ERP44: variants seen among roughly 807,000 people sequenced by gnomAD.
ERP44 encodes endoplasmic reticulum resident protein 44.
ERP44 carries 25 observed loss-of-function variants against 53.4 expected under a neutral mutation model. The ratio of observed to expected loss-of-function variants is 0.47; its 90% CI spans 0.34 to 0.65. The LOEUF (loss-of-function observed/expected upper bound fraction) is 0.65, where lower values mean the gene tolerates loss of function less well. ERP44 is among the 30% of genes least tolerant of loss of function. ERP44 has a pLI of 0.01. For missense variants in ERP44, 338 were observed against 493.2 expected (o/e 0.69, Z 2.98); for synonymous variants, 145 against 161.2 (o/e 0.90, Z 0.76).
At chr9:100,018,341 C>T (rs202058439) in intron 6 of ERP44, 28 bp from the exon 7 acceptor site, 691 of 1,417,112 alleles carry the variant, frequency 4.9e-4, no homozygotes, top group Non-Finnish European at 6.4e-4. Context: ...TAGTAATAAA[C>T]CTGAATGACA....
At chr9:99,986,433 A>T (rs1830196331) in intron 10 of ERP44, among the ~76,000 whole-genome samples, 1 of 152,180 alleles carries the variant, frequency 6.6e-6, no homozygotes. Flanking sequence ...AAAATTAATT[A>T]TATATTTTAA....
intron 1 of ERP44, among the ~76,000 whole-genome samples, chr9:100,089,843 G>A (rs1826530617): frequency 1.3e-5 from 2 of 152,080 alleles, no homozygotes; most frequent in African/African-American, 4.8e-5. Flanking sequence ...AAAAAACATA[G>A]TATATATAGG....
Position 100,013,394 on chromosome 9 carries a change from T to A in ERP44, c.762+2928A>T, listed in dbSNP as rs532996822. On this transcript the variant is annotated intron_variant, in intron 8 of 11. Transcript: ENST00000262455. ...ACCAGAGTAATAATAATAATAATAA[T>A]AAAACACTTTTTGAAAGCATCTAAG... Among the ~76,000 whole-genome samples, 426 of 137,862 alleles carry A rather than the reference T, an allele frequency of 3.1e-3. 1 individual carries two copies. The highest frequency in any genetic ancestry group is 5.3e-3 in the Non-Finnish European group (321 of 60,926). 90.4% of individuals were successfully genotyped at this position (137,862 alleles called of 152,430 possible). A position where few individuals can be genotyped will look rare whatever the true frequency, so the allele number is the denominator to read the frequency against.
At chr9:100,031,310 G>C (rs1825785409) in intron 4 of ERP44, among the ~76,000 whole-genome samples, 1 of 152,130 alleles carries the variant, frequency 6.6e-6, no homozygotes, top group Admixed American at 6.5e-5. Context: ...GGAGTTTTGG[G>C]GTCCATGTCA....
At chr9:100,065,852 T>C (rs541316347) in intron 1 of ERP44, among the ~76,000 whole-genome samples, 26 of 152,372 alleles carry the variant, frequency 1.7e-4, no homozygotes, top group African/African-American at 6.0e-4. Context: ...TTCTAATTCA[T>C]AGACGCATTA....
chr9:100,090,852 T>C (rs1363414950), intron 1 of ERP44, among the ~76,000 whole-genome samples: 1 of 152,256 alleles, frequency 6.6e-6, no homozygotes, highest in Non-Finnish European at 1.5e-5. Flanking sequence ...TTTTATTTTG[T>C]AGATGCATTC....
At chr9:100,020,806 C>T in intron 5 of ERP44, 75 bp from the exon 6 acceptor site, 1 of 744,464 alleles carries the variant, frequency 1.3e-6, no homozygotes, top group Non-Finnish European at 2.3e-6. Flanking sequence ...TACCCGTTAT[C>T]TTAGTACCTA....
At chr9:100,037,230 T>C (rs1419836757) in intron 4 of ERP44, among the ~76,000 whole-genome samples, 1 of 152,172 alleles carries the variant, frequency 6.6e-6, no homozygotes, top group Non-Finnish European at 1.5e-5. Context: ...TTCCCTGTTA[T>C]AGCAGAAAGC....
At chr9:100,097,981 CGTGTTTAGTCCTTCGCTTTT>C (rs1208860081) in intron 1 of ERP44, among the ~76,000 whole-genome samples, 1 of 152,178 alleles carries the variant, frequency 6.6e-6, no homozygotes, top group Non-Finnish European at 1.5e-5. Context: ...TTTTGCCATA[CGTGTTTAGTCCTTCGCTTTT>C]GTCTCAATTT....
At chr9:100,098,583 C>T (rs527659793) in intron 1 of ERP44, among the ~76,000 whole-genome samples, 1 of 152,340 alleles carries the variant, frequency 6.6e-6, no homozygotes, top group African/African-American at 2.4e-5. Flanking sequence ...CTCCCATTCT[C>T]CCCCGACACT....
intron 4 of ERP44, among the ~76,000 whole-genome samples, chr9:100,027,508 A>G (rs948281390): frequency 1.3e-5 from 2 of 152,212 alleles, no homozygotes; most frequent in African/African-American, 4.8e-5. Flanking sequence ...CACTTTGACA[A>G]TATAACAAAA....
At chr9:99,983,551 C>CAAAAAAAA (rs59132233) in intron 11 of ERP44, among the ~76,000 whole-genome samples, 20 of 66,968 alleles carry the variant, frequency 3.0e-4, no homozygotes, top group African/African-American at 1.1e-3. Flanking sequence ...GACTCCGTCT[C>CAAAAAAAA]AAAAAAAAAA....
At chr9:100,095,774 C>G (rs1428646927) in intron 1 of ERP44, among the ~76,000 whole-genome samples, 1 of 152,026 alleles carries the variant, frequency 6.6e-6, no homozygotes, top group Non-Finnish European at 1.5e-5. Context: ...AAAACCTCAC[C>G]TAGGTATTAA....
At chr9:100,038,379 T>C (rs1356746621) in intron 4 of ERP44, among the ~76,000 whole-genome samples, 1 of 152,154 alleles carries the variant, frequency 6.6e-6, no homozygotes, top group Non-Finnish European at 1.5e-5. Flanking sequence ...AGTGTACAGT[T>C]TTTATTAGTT....
chr9:100,044,045 G>T (rs927177321), intron 4 of ERP44, among the ~76,000 whole-genome samples: 1 of 152,050 alleles, frequency 6.6e-6, no homozygotes, highest in Non-Finnish European at 1.5e-5. Flanking sequence ...TGATAAGAAA[G>T]CTTTGTGTTG....
chr9:100,019,706 G>A (rs925892910), intron 6 of ERP44, among the ~76,000 whole-genome samples: 6 of 152,010 alleles, frequency 3.9e-5, no homozygotes, highest in Admixed American at 3.9e-4. Context: ...GACAGGTAGG[G>A]AGCAAACCAG....
intron 1 of ERP44, among the ~76,000 whole-genome samples, chr9:100,074,234 G>A (rs1315113611): frequency 1.3e-5 from 2 of 152,162 alleles, no homozygotes; most frequent in Non-Finnish European, 2.9e-5. Flanking sequence ...CTACAGACCA[G>A]TACTAGTCCG....
rs145856213 is a variant in ERP44 at position 100,097,843 on chromosome 9, C to T, written c.57+941G>A. ...TAGCTGTGTGACTTCATATGCGTCACTAAATCGTTTCTTAAATTGTAAAGA... is the reference window on the plus strand; with the variant it reads ...TAGCTGTGTGACTTCATATGCGTCATTAAATCGTTTCTTAAATTGTAAAGA... On this transcript the variant is annotated intron_variant, in intron 1 of 11. Coordinates refer to ENST00000262455, the MANE Select transcript of ERP44 (RefSeq NM_015051.3). 5.3e-5 allele frequency among the ~76,000 whole-genome samples: 8 copies of T among 152,320 alleles called. No individual in the cohort carries two copies. In the East Asian group the frequency reaches 9.6e-4, roughly 18 times the overall value.
chr9:100,068,488 G>C (rs1365660215), intron 1 of ERP44, among the ~76,000 whole-genome samples: 1 of 127,268 alleles, frequency 7.9e-6, no homozygotes, highest in Non-Finnish European at 1.7e-5. Context: ...GAGCCCCTCT[G>C]CCCGGCCAGC....
Sources: gnomAD v4.1 joint callset for allele counts (sites outside exome capture counted in the v4.1 genomes callset) on GRCh38, gnomAD v4.1.1 for gene constraint, MANE v1.5 for transcripts, NCBI Gene and HGNC (gene_info 2026-07-23, HGNC 2026-07-21) for gene names.